The following CDH2 variants were observed in gnomAD, a reference collection of about 807,000 sequenced individuals.
CDH2 encodes cadherin 2.
A neutral mutation model predicts 92.0 loss-of-function variants in CDH2; 17 were observed. The ratio of observed to expected loss-of-function variants is 0.18; its 90% CI spans 0.13 to 0.28. CDH2 has a LOEUF of 0.28. Among genes scored for constraint, CDH2 ranks in the 10% least tolerant of loss-of-function variants. CDH2 has a pLI of 1.00. For missense variants in CDH2, 862 were observed against 1,133.1 expected (o/e 0.76, Z 3.44); for synonymous variants, 419 against 415.9 (o/e 1.01, Z -0.09).
chr18:28,031,395 A>C (rs909990417), intron 2 of CDH2, among the ~76,000 whole-genome samples: 1 of 152,106 alleles, frequency 6.6e-6, no homozygotes, highest in Non-Finnish European at 1.5e-5. Flanking sequence ...CATAAGTCAT[A>C]GATAGAAGAC....
intron 7 of CDH2, among the ~76,000 whole-genome samples, chr18:27,996,979 G>A (rs1468897058): frequency 6.6e-6 from 1 of 152,144 alleles, no homozygotes; most frequent in Non-Finnish European, 1.5e-5. Flanking sequence ...CATACTATGA[G>A]TCACTTCCTA....
At chr18:27,975,717 C>T (rs1029944977) in intron 14 of CDH2, among the ~76,000 whole-genome samples, 2 of 152,168 alleles carry the variant, frequency 1.3e-5, no homozygotes, top group Admixed American at 6.5e-5. Context: ...GGCAAGAGGT[C>T]CGTGTGACAG....
At chr18:28,043,386 C>G (rs2013987730) in intron 2 of CDH2, among the ~76,000 whole-genome samples, 1 of 147,954 alleles carries the variant, frequency 6.8e-6, no homozygotes, top group Admixed American at 6.8e-5. Context: ...ACACCAAAAT[C>G]TCAGAAATCA....
At chr18:27,991,229 G>A (rs2012404435) in intron 9 of CDH2, among the ~76,000 whole-genome samples, 1 of 152,088 alleles carries the variant, frequency 6.6e-6, no homozygotes, top group Admixed American at 6.5e-5. Context: ...AGTAATAACA[G>A]GAAAAACAAG....
intron 2 of CDH2, among the ~76,000 whole-genome samples, chr18:28,126,958 G>C (rs575409375): frequency 6.6e-6 from 1 of 152,278 alleles, no homozygotes; most frequent in African/African-American, 2.4e-5. Context: ...AGAATGTCCA[G>C]AGGGATGATG....
intron 14 of CDH2, among the ~76,000 whole-genome samples, chr18:27,978,695 G>C (rs2143934724): frequency 6.6e-6 from 1 of 152,058 alleles, no homozygotes; most frequent in Admixed American, 6.5e-5. Flanking sequence ...CTGTGGCCCA[G>C]ACTCTGGAGT....
chr18:27,943,599 G>T (rs895922264), intron 6 of CDH2, among the ~76,000 whole-genome samples: 1 of 152,178 alleles, frequency 6.6e-6, no homozygotes, highest in Non-Finnish European at 1.5e-5. Context: ...TCTATAAGAC[G>T]TGATGAAGTA....
intron 2 of CDH2, among the ~76,000 whole-genome samples, chr18:28,125,592 CTTGAT>C (rs1485050234): frequency 6.6e-6 from 1 of 152,046 alleles, no homozygotes; most frequent in Non-Finnish European, 1.5e-5. Context: ...CGTAAATTCA[CTTGAT>C]TTAAGAAAAT....
intron 1 of CDH2, among the ~76,000 whole-genome samples, chr18:28,162,445 C>T (rs1386848450): frequency 6.6e-6 from 1 of 152,168 alleles, no homozygotes; most frequent in East Asian, 1.9e-4. Context: ...AAGGAACTAT[C>T]AACAGCTCAT....
intron 2 of CDH2, among the ~76,000 whole-genome samples, chr18:28,077,278 A>C (rs1354022524): frequency 6.6e-6 from 1 of 152,188 alleles, no homozygotes; most frequent in Non-Finnish European, 1.5e-5. Context: ...AGAAATCATA[A>C]TCTTTGGAGT....
At chr18:28,126,048 A>G (rs2015672150) in intron 2 of CDH2, among the ~76,000 whole-genome samples, 1 of 152,192 alleles carries the variant, frequency 6.6e-6, no homozygotes, top group African/African-American at 2.4e-5. Context: ...GTTCACATTT[A>G]AAGAAAAACA....
At chr18:28,019,321 A>C (rs903644548) in intron 2 of CDH2, among the ~76,000 whole-genome samples, 1 of 151,930 alleles carries the variant, frequency 6.6e-6, no homozygotes, top group African/African-American at 2.4e-5. Context: ...AAAACAAGAA[A>C]TGAAGAAAGA....
At chr18:28,022,242 T>C (rs1178766001) in intron 2 of CDH2, among the ~76,000 whole-genome samples, 2 of 152,000 alleles carry the variant, frequency 1.3e-5, no homozygotes, top group African/African-American at 4.8e-5. Flanking sequence ...ACCAATCCTT[T>C]CCACACATGT....
At chr18:27,960,436 G>A (rs1470858474) in intron 15 of CDH2, among the ~76,000 whole-genome samples, 1 of 152,214 alleles carries the variant, frequency 6.6e-6, no homozygotes, top group Non-Finnish European at 1.5e-5. Context: ...ATGACAAGTA[G>A]AGTTCTCTGT....
chr18:28,059,852 T>TA (rs1351797665), intron 2 of CDH2, among the ~76,000 whole-genome samples: 1 of 152,232 alleles, frequency 6.6e-6, no homozygotes, highest in African/African-American at 2.4e-5. Context: ...GTCTCTTCTT[T>TA]AATCTATGTA....
intron 14 of CDH2, among the ~76,000 whole-genome samples, chr18:27,974,385 T>A (rs2011756700): frequency 6.6e-6 from 1 of 152,262 alleles, no homozygotes; most frequent in Non-Finnish European, 1.5e-5. Context: ...ATGCAGGCCA[T>A]GTTTCCAGAT....
At chr18:28,156,620 C>A (rs4068904) in intron 1 of CDH2, among the ~76,000 whole-genome samples, 105 of 59,062 alleles carry the variant, frequency 1.8e-3, no homozygotes, top group South Asian at 1.9e-3. Context: ...CCAGGTACAG[C>A]ATGTCACCTT....
intron 14 of CDH2, among the ~76,000 whole-genome samples, chr18:27,969,755 G>A (rs1016268921): frequency 2.6e-5 from 4 of 152,166 alleles, no homozygotes; most frequent in African/African-American, 9.7e-5. Flanking sequence ...GGCGGCTCAC[G>A]CCTGTAATCC....
intron 2 of CDH2, among the ~76,000 whole-genome samples, chr18:28,035,175 T>C (rs2013796004): frequency 6.6e-6 from 1 of 152,094 alleles, no homozygotes; most frequent in African/African-American, 2.4e-5. Context: ...TACTTTCTTT[T>C]TGAAAGTTTC....
Sources: allele counts gnomAD v4.1 joint callset (sites outside exome capture counted in the v4.1 genomes callset), GRCh38; gene constraint gnomAD v4.1.1; transcripts MANE v1.5; gene names NCBI Gene and HGNC (gene_info 2026-07-23, HGNC 2026-07-21).